BDKRB1: variants seen among roughly 807,000 people sequenced by gnomAD.
BDKRB1 encodes the protein B1 bradykinin receptor.
For synonymous variants in BDKRB1, 192 were observed against 189.1 expected, an observed-to-expected ratio of 1.02 and a Z score of -0.13; for missense variants, 414 against 441.4, an observed-to-expected ratio of 0.94 and a Z score of 0.56.
intron 1 of BDKRB1, among the ~76,000 whole-genome samples, chr14:96,257,370 G>A (rs768012218): frequency 6.6e-6 from 1 of 152,200 alleles, no homozygotes; most frequent in Admixed American, 6.5e-5. Flanking sequence ...AACGATGCAA[G>A]TTATTATCTT....
chr14:96,258,222 C>A lies in BDKRB1; in HGVS notation c.-130+1922C>A, dbSNP rs961589712. 2.6e-5 allele frequency among the ~76,000 whole-genome samples: 4 copies of A among 152,134 alleles called. No individual in the cohort carries two copies. In the East Asian group the frequency reaches 7.7e-4, roughly 29 times the overall value. On this transcript the variant is annotated intron_variant, in intron 1 of 2. Coordinates refer to ENST00000216629, the MANE Select transcript of BDKRB1 (RefSeq NM_000710.4). ...AAAATAATTGTTCTTGTTGTATATTCACATGCTACAGTTTCTTGTACCTGA... is the reference window on the plus strand; with the variant it reads ...AAAATAATTGTTCTTGTTGTATATTAACATGCTACAGTTTCTTGTACCTGA...
In BDKRB1 at chr14:96,263,735, T is replaced by C. The variant is rs372076696; in HGVS notation, c.53T>C (p.Leu18Pro). ...CTCCAATCCTCCAACCAGAGCCAGC[T>C]CTTCCCTCAAAATGCTACGGCCTGT... is the stretch of plus-strand genomic sequence containing the variant. Reference protein sequence around the residue: ...LELQSSNQSQLFPQNATACDN... With the variant: ...LELQSSNQSQPFPQNATACDN... Residue 18 changes from leucine to proline, a missense_variant, in exon 3 of 3, where the codon CTC (leucine) becomes CCC (proline). Transcript: ENST00000216629. 39 of 1,614,160 alleles carry C rather than the reference T, an allele frequency of 2.4e-5. No individual in the cohort carries two copies. The Middle Eastern group carries it at 6.6e-4, about 27-fold the overall frequency.
Position 96,263,996 on chromosome 14 carries a change from T to TCGGAG in BDKRB1, c.316_320dup (p.Leu108GlufsTer63). On this transcript the variant is annotated frameshift_variant, in exon 3 of 3. Transcript: ENST00000216629. LOFTEE classifies it low-confidence loss of function (END_TRUNC). ...ATCTGGAACCAGTTTAACTGGCCTTTCGGAGCCCTCCTCTGCCGTGTCATC... is the reference window on the plus strand; with the variant it reads ...ATCTGGAACCAGTTTAACTGGCCTTTCGGAGCGGAGCCCTCCTCTGCCGTGTCATC... 2 of 1,614,240 alleles carry TCGGAG rather than the reference T, an allele frequency of 1.2e-6. No individual in the cohort carries two copies. The highest frequency in any genetic ancestry group is 1.7e-6 in the Non-Finnish European group (2 of 1,180,032).
At chr14:96,263,481 AG>A (rs1885804725) in intron 2 of BDKRB1, among the ~76,000 whole-genome samples, 191 bp from the exon 3 acceptor site, 1 of 152,232 alleles carries the variant, frequency 6.6e-6, no homozygotes, top group African/African-American at 2.4e-5. Flanking sequence ...CAGCTTTGCA[AG>A]CCAGACAGTC....
rs1429450902 is a variant in BDKRB1 at position 96,264,356 on chromosome 14, T to C, written c.674T>C (p.Ile225Thr). 3.1e-6 allele frequency: 5 copies of C among 1,614,044 alleles called. No individual in the cohort carries two copies. The African/African-American group carries it at 5.3e-5, about 17-fold the overall frequency. The stretch of plus-strand genomic sequence containing the variant: ...GCGATCGTCTTCTTCAACTACCACA[T>C]CCTGGCCTCCCTGCGAACGCGGGAG... The part of the protein sequence containing the change: ...LAAIVFFNYH[I>T]LASLRTREEV... Residue 225 changes from isoleucine to threonine, a missense_variant, in exon 3 of 3, where the codon ATC (isoleucine) becomes ACC (threonine). Transcript: ENST00000216629.
At chr14:96,256,332 TA>T (rs1397343278) in intron 1 of BDKRB1, 32 bp downstream of exon 1, 6 of 152,174 alleles carry the variant, frequency 3.9e-5, no homozygotes, top group Non-Finnish European at 8.8e-5. Flanking sequence ...TTTTTTCTTT[TA>T]TGAGAGTACA....
rs547706025 is a variant in BDKRB1, at chr14:96,261,588, A to G, written c.-129-1064A>G. ...TCCAAGGTTAATTCTCTGCTACACAATAGCTTTTGTTGGTATCTGTGAGGC... is the reference window on the plus strand; with the variant it reads ...TCCAAGGTTAATTCTCTGCTACACAGTAGCTTTTGTTGGTATCTGTGAGGC... On this transcript the variant is annotated intron_variant, in intron 1 of 2. Transcript: ENST00000216629. Among the ~76,000 whole-genome samples, 4 of 152,318 alleles carry G rather than the reference A, an allele frequency of 2.6e-5. No homozygotes were observed. The South Asian group carries it at 8.3e-4, about 32-fold the overall frequency.
rs1566703438 is a variant in BDKRB1, at chr14:96,263,702, CT to C, written c.21del (p.Leu8Ter). On this transcript the variant is annotated frameshift_variant, in exon 3 of 3. Coordinates refer to ENST00000216629, the MANE Select transcript of BDKRB1 (RefSeq NM_000710.4). LOFTEE classifies it low-confidence loss of function (END_TRUNC). Reference sequence around the variant, plus strand: ...CTGTGCATGGCATCATCCTGGCCCCCTCTAGAGCTCCAATCCTCCAACCAGA... The same window carrying C: ...CTGTGCATGGCATCATCCTGGCCCCCCTAGAGCTCCAATCCTCCAACCAGA... MASSWP[P>X]LELQSSNQSQ... 6.2e-7 allele frequency: 1 copy of C among 1,613,820 alleles called. No individual in the cohort carries two copies. Among genetic ancestry groups the C allele is most frequent in the Admixed American group, 1.7e-5 (1 of 59,998 alleles).
intron 1 of BDKRB1, among the ~76,000 whole-genome samples, chr14:96,256,862 A>G (rs1277447153): frequency 1.3e-5 from 2 of 152,248 alleles, no homozygotes; most frequent in African/African-American, 4.8e-5. Context: ...TGTTGAAGAA[A>G]GTCACACTGT....
intron 2 of BDKRB1, 28 bp from the exon 3 acceptor site, chr14:96,263,645 G>C (rs200352951): frequency 2.5e-4 from 394 of 1,567,402 alleles, no homozygotes; most frequent in Non-Finnish European, 3.2e-4. Context: ...GCCACTTCCT[G>C]TTTTATTCTA....
chr14:96,259,999 G>A (rs1885707333), intron 1 of BDKRB1: 1 of 151,748 alleles, frequency 6.6e-6, no homozygotes, highest in Non-Finnish European at 1.5e-5. Flanking sequence ...GCAGCTACAT[G>A]GATGAGAACC....
rs150459277 is a variant in BDKRB1, at chr14:96,264,447, C to T, written c.765C>T (p.Leu255=). The T allele has an allele frequency of 9.3e-6, 15 of 1,614,112 alleles. No individual in the cohort carries two copies. The highest frequency in any genetic ancestry group is 7.7e-5 in the South Asian group (7 of 91,092). The change falls in exon 3 of 3, where the codon CTC becomes CTT. Residue 255 remains leucine (L), a synonymous_variant. Coordinates refer to ENST00000216629, the MANE Select transcript of BDKRB1 (RefSeq NM_000710.4). ...AGACCACAGCGCTGATCCTCACGCT[C>T]GTGGTTGCCTTCCTGGTCTGCTGGG... ...DSKTTALILT[L]VVAFLVCWAP...
chr14:96,264,266 A>G lies in BDKRB1; in HGVS notation c.584A>G (p.His195Arg), dbSNP rs566659692. 5.3e-5 allele frequency: 85 copies of G among 1,614,122 alleles called. No homozygotes were observed. Among genetic ancestry groups the G allele is most frequent in the Middle Eastern group, 4.9e-4 (3 of 6,062 alleles). ...NITACILLLP[H>R]EAWHFARIVE... ...ACCGCCTGCATCCTGCTCCTCCCCC[A>G]TGAGGCCTGGCACTTTGCAAGGATT... The change falls in exon 3 of 3, where the codon CAT becomes CGT. Residue 195 changes from histidine (H) to arginine (R), a missense_variant. By Grantham distance (29) the His-to-Arg change is conservative. Coordinates refer to ENST00000216629, the MANE Select transcript of BDKRB1 (RefSeq NM_000710.4).
At chr14:96,259,280 G>A (rs1272790801) in intron 1 of BDKRB1, 5 of 152,002 alleles carry the variant, frequency 3.3e-5, no homozygotes, top group Non-Finnish European at 7.4e-5. Flanking sequence ...GAGACTCAAT[G>A]TCCACTAAAA....
Position 96,263,729 on chromosome 14 carries a change from G to A in BDKRB1, c.47G>A (p.Ser16Asn), listed in dbSNP as rs1309090054. 2 of 1,614,176 alleles carry A rather than the reference G, an allele frequency of 1.2e-6. No individual in the cohort carries two copies. The highest frequency in any genetic ancestry group is 2.2e-5 in the South Asian group (2 of 91,078). ...PPLELQSSNQ[S>N]QLFPQNATAC... ...CTAGAGCTCCAATCCTCCAACCAGA[G>A]CCAGCTCTTCCCTCAAAATGCTACG... Residue 16 changes from serine to asparagine, a missense_variant, in exon 3 of 3, where the codon AGC (serine) becomes AAC (asparagine). Transcript: ENST00000216629.
Position 96,264,371 on chromosome 14 carries a change from G to C in BDKRB1, c.689G>C (p.Arg230Pro). Reference protein sequence around the residue: ...FFNYHILASLRTREEVSRTRC... With the variant: ...FFNYHILASLPTREEVSRTRC... ...AACTACCACATCCTGGCCTCCCTGCGAACGCGGGAGGAGGTCAGCAGGACA... is the reference window on the plus strand; with the variant it reads ...AACTACCACATCCTGGCCTCCCTGCCAACGCGGGAGGAGGTCAGCAGGACA... Residue 230 changes from arginine (R) to proline (P), a missense_variant, in exon 3 of 3, where the codon CGA (arginine) becomes CCA (proline). Transcript: ENST00000216629. 6.2e-7 allele frequency: 1 copy of C among 1,614,184 alleles called. No homozygotes were observed. The highest frequency in any genetic ancestry group is 8.5e-7 in the Non-Finnish European group (1 of 1,180,030).
In BDKRB1 at chr14:96,261,725, C is replaced by T. The variant is rs10137476; in HGVS notation, c.-129-927C>T. Among the ~76,000 whole-genome samples the T allele has an allele frequency of 5.9e-3, 896 of 152,282 alleles. 4 individuals carry two copies. The highest frequency in any genetic ancestry group is 0.021 in the African/African-American group (853 of 41,532). The stretch of plus-strand genomic sequence containing the variant: ...GTCAGGAACCCTGCCAAGCACCGGG[C>T]GTATATTAACCTATCCAAGCTGGGG... On this transcript the variant is annotated intron_variant, in intron 1 of 2. Transcript: ENST00000216629.
intron 1 of BDKRB1, among the ~76,000 whole-genome samples, chr14:96,258,901 T>C (rs1885678961): frequency 2.0e-5 from 3 of 151,506 alleles, no homozygotes; most frequent in Non-Finnish European, 4.4e-5. Context: ...TTTTGTCAGA[T>C]TCAGATACTG....
chr14:96,263,567 T>G (rs1885807113), intron 2 of BDKRB1, 106 bp from the exon 3 acceptor site: 1 of 1,239,914 alleles, frequency 8.1e-7, no homozygotes, highest in South Asian at 1.6e-5. Flanking sequence ...TGGGTGTGGC[T>G]CTGTGCCAAT....
Sources: allele counts gnomAD v4.1 joint callset (sites outside exome capture counted in the v4.1 genomes callset), GRCh38; gene constraint gnomAD v4.1.1; transcripts MANE v1.5; gene names NCBI Gene and HGNC (gene_info 2026-07-23, HGNC 2026-07-21).